Variants in INPP4B observed in about 807,000 individuals in gnomAD.
INPP4B encodes inositol polyphosphate 4-phosphatase type II.
INPP4B carries 55 observed loss-of-function variants against 122.5 expected under a neutral mutation model. The ratio of observed to expected loss-of-function variants is 0.45; its 90% CI spans 0.36 to 0.56. The LOEUF is 0.56. Among genes scored for constraint, INPP4B ranks in the 20% least tolerant of loss-of-function variants. The pLI is 0.00. For missense variants in INPP4B, 1,000 were observed against 1,097.7 expected, an observed-to-expected ratio of 0.91 and a Z score of 1.26; for synonymous variants, 403 against 388.7, an observed-to-expected ratio of 1.04 and a Z score of -0.43.
intron 23 of INPP4B, among the ~76,000 whole-genome samples, chr4:142,087,767 A>G (rs1777547364): frequency 6.6e-6 from 1 of 152,212 alleles, no homozygotes; most frequent in Non-Finnish European, 1.5e-5. Context: ...ATATCTGAAT[A>G]GTTCTGGTTT....
chr4:142,737,641 A>G (rs1352471218), intron 1 of INPP4B, among the ~76,000 whole-genome samples: 1 of 152,228 alleles, frequency 6.6e-6, no homozygotes, highest in East Asian at 1.9e-4. Flanking sequence ...GAGCTTCTGC[A>G]CAGCAAAAGA....
chr4:142,457,186 A>G (rs1313790199), intron 3 of INPP4B, among the ~76,000 whole-genome samples: 1 of 152,064 alleles, frequency 6.6e-6, no homozygotes, highest in East Asian at 1.9e-4. Context: ...AAGCTTATAC[A>G]GGAAAATATA....
At chr4:142,193,710 TAC>T (rs1251509637) in intron 14 of INPP4B, among the ~76,000 whole-genome samples, 3 of 152,208 alleles carry the variant, frequency 2.0e-5, no homozygotes, top group Non-Finnish European at 4.4e-5. Flanking sequence ...TACTAAATTT[TAC>T]ACAATTTCAA....
intron 5 of INPP4B, among the ~76,000 whole-genome samples, chr4:142,421,137 A>T (rs1164429439): frequency 6.6e-6 from 1 of 152,106 alleles, no homozygotes; most frequent in Non-Finnish European, 1.5e-5. Flanking sequence ...TCTTAGTTGG[A>T]AGCTATATTG....
At chr4:142,189,557 A>G (rs1834802821) in intron 15 of INPP4B, among the ~76,000 whole-genome samples, 1 of 152,212 alleles carries the variant, frequency 6.6e-6, no homozygotes, top group South Asian at 2.1e-4. Flanking sequence ...TTGAAAAATC[A>G]GGAAAGCCTA....
At chr4:142,779,830 G>C (rs920138081) in intron 1 of INPP4B, among the ~76,000 whole-genome samples, 1 of 152,084 alleles carries the variant, frequency 6.6e-6, no homozygotes, top group Non-Finnish European at 1.5e-5. Flanking sequence ...TATGAGGTTG[G>C]TGCAAAAGTA....
At chr4:142,592,159 TAA>T (rs1235588833) in intron 2 of INPP4B, among the ~76,000 whole-genome samples, 1 of 152,176 alleles carries the variant, frequency 6.6e-6, no homozygotes, top group Non-Finnish European at 1.5e-5. Context: ...TTTCTAAAAT[TAA>T]AAGTTTATTT....
At chr4:142,705,458 AACAC>A (rs56300337) in intron 2 of INPP4B, among the ~76,000 whole-genome samples, 19,155 of 145,620 alleles carry the variant, frequency 0.13, 2,582 homozygotes, top group African/African-American at 0.36. Context: ...TCCCACCCCA[AACAC>A]ACACACACAC....
intron 2 of INPP4B, among the ~76,000 whole-genome samples, chr4:142,474,787 C>T (rs567567390): frequency 6.6e-6 from 1 of 152,112 alleles, no homozygotes; most frequent in Non-Finnish European, 1.5e-5. Context: ...GGATAAGTGA[C>T]TCCACCTGCC....
At chr4:142,579,765 G>C (rs1229504116) in intron 2 of INPP4B, among the ~76,000 whole-genome samples, 1 of 151,262 alleles carries the variant, frequency 6.6e-6, no homozygotes, top group African/African-American at 2.4e-5. Context: ...TGTGTCTCCT[G>C]CTTGCTGACT....
chr4:142,385,006 A>G (rs1162759368), intron 7 of INPP4B, among the ~76,000 whole-genome samples: 1 of 152,136 alleles, frequency 6.6e-6, no homozygotes, highest in Non-Finnish European at 1.5e-5. Flanking sequence ...TATCCAGTCT[A>G]TGGTTGATGG....
At chr4:142,311,676 T>G (rs1332918295) in intron 8 of INPP4B, among the ~76,000 whole-genome samples, 1 of 152,200 alleles carries the variant, frequency 6.6e-6, no homozygotes, top group Non-Finnish European at 1.5e-5. Context: ...AGCACCTCAG[T>G]TTTGTTTAAA....
intron 5 of INPP4B, among the ~76,000 whole-genome samples, chr4:142,407,955 GGT>G (rs1295908418): frequency 2.6e-5 from 4 of 151,968 alleles, no homozygotes. Context: ...ACCAATATCT[GGT>G]GTTTTATTAT....
chr4:142,722,629 T>C (rs563425823), intron 2 of INPP4B, among the ~76,000 whole-genome samples: 2 of 152,330 alleles, frequency 1.3e-5, no homozygotes, highest in South Asian at 4.1e-4. Flanking sequence ...TGTAAATTTT[T>C]CTTTAATAAT....
At chr4:142,747,175 A>AG (rs1358033543) in intron 1 of INPP4B, among the ~76,000 whole-genome samples, 1 of 129,754 alleles carries the variant, frequency 7.7e-6, no homozygotes, top group African/African-American at 2.9e-5. Context: ...CAAATTTACA[A>AG]GAAAAAATCA....
In INPP4B at chr4:142,301,787, G is replaced by A. The variant is rs559161631; in HGVS notation, c.503+3671C>T. The stretch of plus-strand genomic sequence containing the variant: ...CACACAACAAAGCTGTGACAAGGCT[G>A]GAACACTTTCCTCTGTCTCCATTCC... On this transcript the variant is annotated intron_variant, in intron 9 of 25. Transcript: ENST00000262992. Among the ~76,000 whole-genome samples, 219 of 152,202 alleles carry A rather than the reference G, an allele frequency of 1.4e-3. 12 individuals carry two copies. The South Asian group carries it at 0.043, about 30-fold the overall frequency.
chr4:142,485,680 A>G (rs3844178), intron 2 of INPP4B, among the ~76,000 whole-genome samples: 43,626 of 151,974 alleles, frequency 0.29, 6,966 homozygotes, highest in East Asian at 0.52. Context: ...TTAAGAAATA[A>G]GGAACTGAAC....
chr4:142,215,595 C>A (rs947330033), intron 12 of INPP4B, among the ~76,000 whole-genome samples: 12 of 151,958 alleles, frequency 7.9e-5, no homozygotes, highest in African/African-American at 2.9e-4. Context: ...GATAACAGCA[C>A]CCTGTGGTCC....
intron 12 of INPP4B, among the ~76,000 whole-genome samples, chr4:142,235,709 G>A (rs1472094832): frequency 6.6e-6 from 1 of 152,178 alleles, no homozygotes; most frequent in Non-Finnish European, 1.5e-5. Context: ...ACAGGCGTGA[G>A]CCACCGCGTC....
Sources: allele counts gnomAD v4.1 joint callset (sites outside exome capture counted in the v4.1 genomes callset), GRCh38; gene constraint gnomAD v4.1.1; transcripts MANE v1.5; gene names NCBI Gene and HGNC (gene_info 2026-07-23, HGNC 2026-07-21).